CDH12: variants seen among roughly 807,000 people sequenced by gnomAD.
CDH12 encodes the protein cadherin-12.
CDH12 carries 41 observed loss-of-function variants against 74.1 expected under a neutral mutation model. That is an observed-to-expected ratio of 0.55 (90% CI 0.43 to 0.72). The LOEUF is 0.72. Ranked by LOEUF, CDH12 falls within the 30% of genes least tolerant of loss-of-function variation. The pLI, the probability that CDH12 is intolerant of heterozygous loss-of-function variation, is 0.00. For synonymous variants in CDH12, 399 were observed against 355.0 expected (o/e 1.12, Z -1.39); for missense variants, 945 against 977.2 (o/e 0.97, Z 0.44).
intron 6 of CDH12, among the ~76,000 whole-genome samples, chr5:21,949,367 G>A (rs962750564): frequency 4.6e-5 from 7 of 150,664 alleles, no homozygotes; most frequent in East Asian, 3.9e-4. Context: ...GGAGAATGGC[G>A]TGAACCCAGG....
intron 5 of CDH12, among the ~76,000 whole-genome samples, chr5:22,033,364 G>A (rs1013971625): frequency 6.6e-6 from 1 of 152,112 alleles, no homozygotes; most frequent in East Asian, 1.9e-4. Context: ...CTAGCCCTGG[G>A]TTTTCCATTA....
At chr5:22,076,744 G>A (rs1335841786) in intron 5 of CDH12, among the ~76,000 whole-genome samples, 2 of 152,066 alleles carry the variant, frequency 1.3e-5, no homozygotes, top group Non-Finnish European at 2.9e-5. Context: ...TAACCTCCGG[G>A]GACTTCCATA....
chr5:21,785,358 A>C (rs1236428707), intron 10 of CDH12, among the ~76,000 whole-genome samples: 1 of 152,206 alleles, frequency 6.6e-6, no homozygotes, highest in Non-Finnish European at 1.5e-5. Flanking sequence ...CTAACTGTTC[A>C]AATGAAAGAG....
At chr5:22,468,152 A>T (rs1478916184) in intron 2 of CDH12, among the ~76,000 whole-genome samples, 1 of 152,184 alleles carries the variant, frequency 6.6e-6, no homozygotes, top group African/African-American at 2.4e-5. Flanking sequence ...GGTTCTTTTG[A>T]ACAACTGGGA....
chr5:22,237,845 AT>A (rs1312947495), intron 3 of CDH12, among the ~76,000 whole-genome samples: 1 of 152,132 alleles, frequency 6.6e-6, no homozygotes, highest in Admixed American at 6.5e-5. Context: ...ATATACATAC[AT>A]TTTTTAATGG....
intron 4 of CDH12, among the ~76,000 whole-genome samples, chr5:22,149,163 C>T (rs1164721521): frequency 6.6e-6 from 1 of 152,084 alleles, no homozygotes; most frequent in African/African-American, 2.4e-5. Context: ...TTAGCTCCCA[C>T]CTTAACTAAG....
intron 1 of CDH12, among the ~76,000 whole-genome samples, chr5:22,811,836 A>G (rs185518247): frequency 2.5e-4 from 38 of 152,258 alleles, no homozygotes; most frequent in African/African-American, 8.7e-4. Flanking sequence ...AGTGACTTCT[A>G]CAGAAGGGAT....
intron 6 of CDH12, among the ~76,000 whole-genome samples, chr5:21,880,621 T>TTCTTTCTTTC (rs1752264600): frequency 8.2e-5 from 4 of 48,564 alleles, no homozygotes; most frequent in African/African-American, 3.0e-4. Flanking sequence ...CCTTCCTTCT[T>TTCTTTCTTTC]TCTTTCTTTC....
In CDH12 at chr5:21,936,683, G is replaced by C. The variant is rs868321491; in HGVS notation, c.526+38408C>G. On this transcript the variant is annotated intron_variant, in intron 6 of 14. Transcript: ENST00000382254. Reference sequence around the variant, plus strand: ...AAGATACATGTTATGATTTGGCTCTGTGACCCCACCCAAATCTCAACTCGA... The same window carrying C: ...AAGATACATGTTATGATTTGGCTCTCTGACCCCACCCAAATCTCAACTCGA... 3.3e-5 allele frequency among the ~76,000 whole-genome samples: 5 copies of C among 152,298 alleles called. No homozygotes were observed. The Middle Eastern group carries it at 0.01, about 311-fold the overall frequency.
In CDH12 at chr5:22,062,992, C is replaced by A. The variant is rs953357126; in HGVS notation, c.231+15454G>T. 5.3e-5 allele frequency among the ~76,000 whole-genome samples: 8 copies of A among 152,098 alleles called. No homozygotes were observed. In the East Asian group the frequency reaches 1.5e-3, roughly 29 times the overall value. On this transcript the variant is annotated intron_variant, in intron 5 of 14. Coordinates refer to ENST00000382254, the MANE Select transcript of CDH12 (RefSeq NM_004061.5). Reference sequence around the variant, plus strand: ...CTCAATAACCAAATAAAGGAATGAACAATTGAACATATAAATACATGTTGA... The same window carrying A: ...CTCAATAACCAAATAAAGGAATGAAAAATTGAACATATAAATACATGTTGA...
intron 3 of CDH12, among the ~76,000 whole-genome samples, chr5:22,404,543 AC>A (rs2126456522): frequency 6.6e-6 from 1 of 152,316 alleles, no homozygotes; most frequent in African/African-American, 2.4e-5. Flanking sequence ...GTTCTTACAT[AC>A]TTGCCTAAAT....
intron 6 of CDH12, among the ~76,000 whole-genome samples, chr5:21,928,150 A>G (rs1754676487): frequency 6.6e-6 from 1 of 152,194 alleles, no homozygotes. Context: ...GACTATGACT[A>G]TGATCATCTG....
intron 6 of CDH12, among the ~76,000 whole-genome samples, chr5:21,917,243 G>C (rs1754139530): frequency 6.6e-6 from 1 of 152,140 alleles, no homozygotes; most frequent in Admixed American, 6.5e-5. Context: ...GCACCAATGG[G>C]CTCTGACCTG....
chr5:22,310,916 T>C (rs1206706162), intron 3 of CDH12, among the ~76,000 whole-genome samples: 1 of 152,326 alleles, frequency 6.6e-6, no homozygotes, highest in Middle Eastern at 3.4e-3. Flanking sequence ...GTAATAAAAA[T>C]GAAAATTATT....
intron 1 of CDH12, among the ~76,000 whole-genome samples, chr5:22,794,100 T>A (rs1748060976): frequency 6.6e-6 from 1 of 152,178 alleles, no homozygotes; most frequent in African/African-American, 2.4e-5. Flanking sequence ...TGGCTTGCCA[T>A]GATCACCAAT....
chr5:22,400,258 C>T (rs1431595134), intron 3 of CDH12, among the ~76,000 whole-genome samples: 8 of 151,942 alleles, frequency 5.3e-5, no homozygotes, highest in African/African-American at 1.9e-4. Context: ...CTTTAAATTA[C>T]TGAAGGCCAT....
chr5:22,705,270 C>G (rs1411475755), intron 1 of CDH12, among the ~76,000 whole-genome samples: 1 of 151,534 alleles, frequency 6.6e-6, no homozygotes, highest in African/African-American at 2.4e-5. Context: ...CTTACATTTC[C>G]TTGCTCAGGA....
At chr5:22,095,307 T>C (rs1580241155) in intron 4 of CDH12, among the ~76,000 whole-genome samples, 1 of 152,246 alleles carries the variant, frequency 6.6e-6, no homozygotes, top group South Asian at 2.1e-4. Context: ...TCCCTTCTCT[T>C]AATTTCAATT....
At chr5:22,390,960 C>T (rs1293434556) in intron 3 of CDH12, among the ~76,000 whole-genome samples, 1 of 152,108 alleles carries the variant, frequency 6.6e-6, no homozygotes, top group Non-Finnish European at 1.5e-5. Context: ...GACAGACTGG[C>T]ATTAGATCTG....
Sources: gnomAD v4.1 joint callset for allele counts (sites outside exome capture counted in the v4.1 genomes callset) on GRCh38, gnomAD v4.1.1 for gene constraint, MANE v1.5 for transcripts, NCBI Gene and HGNC (gene_info 2026-07-23, HGNC 2026-07-21) for gene names.